Variants in MTMR6 observed in about 807,000 individuals in gnomAD.
MTMR6 encodes phosphatidylinositol-3,5-bisphosphate 3-phosphatase MTMR6.
Under a neutral mutation model 80.1 loss-of-function variants are expected in MTMR6, and 47 were observed. That is an observed-to-expected ratio of 0.59 (90% CI 0.46 to 0.75). The LOEUF (loss-of-function observed/expected upper bound fraction) is 0.75. Ranked by LOEUF, MTMR6 falls within the 30% of genes least tolerant of loss-of-function variation. MTMR6 has a pLI of 0.00. For missense variants in MTMR6, 629 were observed against 730.9 expected (o/e 0.86, Z 1.61); for synonymous variants, 254 against 253.0 (o/e 1.00, Z -0.04).
At position 25,254,400 on chromosome 13, in the gene MTMR6, T is replaced by C; in HGVS notation, c.1130A>G (p.His377Arg). The change falls in exon 10 of 14, where the codon CAT (histidine) becomes CGT (arginine). Residue 377 changes from histidine (H) to arginine (R), a missense_variant. Physicochemically the swap from His to Arg is conservative, Grantham distance 29. Coordinates refer to ENST00000381801, the MANE Select transcript of MTMR6 (RefSeq NM_004685.5). ...TGTGACTCACCTCTCTGAAAATTTA[T>C]GTCCAAAAGAGATCCAATCCTTTTC... ...LIEKDWISFG[H>R]KFSERCGQLD... 1 of 1,574,990 alleles carries C rather than the reference T, an allele frequency of 6.3e-7. No individual in the cohort carries two copies. The highest frequency in any genetic ancestry group is 8.7e-7 in the Non-Finnish European group (1 of 1,148,716).
chr13:25,261,699 C>T lies in MTMR6; in HGVS notation c.695G>A (p.Arg232His), dbSNP rs565072549. The T allele has an allele frequency of 5.1e-5, 83 of 1,613,262 alleles. No homozygotes were observed. The South Asian group carries it at 6.6e-4, about 13-fold the overall frequency. The stretch of plus-strand genomic sequence containing the variant: ...CCTGGTATCCATGACGTACATATAG[C>T]GATTGACTGGATTGGCTTTACTAAT... ...QAISKANPVN[R>H]YMYVMDTRPK... Residue 232 changes from arginine to histidine, a missense_variant, in exon 6 of 14, where the codon CGC (arginine) becomes CAC (histidine). Transcript: ENST00000381801.
intron 8 of MTMR6, 70 bp from the exon 9 acceptor site, chr13:25,257,391 A>G: frequency 1.9e-6 from 3 of 1,555,286 alleles, no homozygotes; most frequent in South Asian, 1.2e-5. Context: ...TGAAAATCAT[A>G]CTAGCAGGTA....
intron 6 of MTMR6, among the ~76,000 whole-genome samples, chr13:25,260,022 C>T (rs1957297127): frequency 6.6e-6 from 1 of 151,758 alleles, no homozygotes; most frequent in Non-Finnish European, 1.5e-5. Flanking sequence ...CCATCGCACC[C>T]AGCTAATTTT....
At chr13:25,257,031 G>A (rs1297539388) in intron 9 of MTMR6, among the ~76,000 whole-genome samples, 165 bp downstream of exon 9, 1 of 152,144 alleles carries the variant, frequency 6.6e-6, no homozygotes, top group Non-Finnish European at 1.5e-5. Flanking sequence ...AAAATTTTGT[G>A]CATTATAAAA....
rs1468429464 is a variant in MTMR6, at chr13:25,287,453, C to G, written c.-206G>C. ...AACACTTCCCCAAACCCCGCGGCCTCCCGGGGGACTCGGGGCAGGCAGACA... is the reference window on the plus strand; with the variant it reads ...AACACTTCCCCAAACCCCGCGGCCTGCCGGGGGACTCGGGGCAGGCAGACA... On this transcript the variant is annotated 5_prime_UTR_variant, in exon 1 of 14. Transcript: ENST00000381801. 1 of 629,936 alleles carries G rather than the reference C, an allele frequency of 1.6e-6. No homozygotes were observed. The highest frequency in any genetic ancestry group is 2.8e-5 in the East Asian group (1 of 35,404). 39.0% of individuals were successfully genotyped at this position (629,936 alleles called of 1,614,324 possible).
At chr13:25,255,531 CT>C (rs929864230) in intron 9 of MTMR6, among the ~76,000 whole-genome samples, 15 of 149,234 alleles carry the variant, frequency 1.0e-4, no homozygotes, top group Non-Finnish European at 1.3e-4. Context: ...ACTCTACTTT[CT>C]TTTTTTTTTG....
intron 2 of MTMR6, among the ~76,000 whole-genome samples, 159 bp from the exon 3 acceptor site, chr13:25,268,100 A>G (rs1400755662): frequency 3.3e-5 from 5 of 152,226 alleles, no homozygotes; most frequent in Non-Finnish European, 7.3e-5. Flanking sequence ...CCCAAGTCAG[A>G]AATATGGGTG....
At chr13:25,264,686 T>C (rs1331792615) in intron 5 of MTMR6, among the ~76,000 whole-genome samples, 1 of 123,972 alleles carries the variant, frequency 8.1e-6, no homozygotes, top group African/African-American at 3.2e-5. Context: ...ACCCGGGAGG[T>C]GGAGGTTGCT....
rs1169264847 is a variant in MTMR6, at chr13:25,247,409, T to C, written c.*1823A>G. ...CTTTTGCCAACATATACCCTGTAGG[T>C]CACTTAAGATGTAACTGATTTCTCA... On this transcript the variant is annotated 3_prime_UTR_variant, in exon 14 of 14. Transcript: ENST00000381801. The C allele has an allele frequency of 6.6e-6, 1 of 152,614 alleles. No homozygotes were observed. Among genetic ancestry groups the C allele is most frequent in the Non-Finnish European group, 1.5e-5 (1 of 68,014 alleles). The allele number at this position is 152,614 out of a possible 1,614,324, so 9.5% of individuals were successfully genotyped here.
intron 1 of MTMR6, among the ~76,000 whole-genome samples, chr13:25,279,359 C>T (rs1156331609): frequency 6.6e-6 from 1 of 152,110 alleles, no homozygotes; most frequent in Non-Finnish European, 1.5e-5. Context: ...TCTTGCTTCC[C>T]TTCACCTTCC....
intron 11 of MTMR6, among the ~76,000 whole-genome samples, chr13:25,252,327 C>T (rs547098515): frequency 6.6e-6 from 1 of 152,304 alleles, no homozygotes; most frequent in Admixed American, 6.5e-5. Flanking sequence ...TAGAACAAGA[C>T]ACTAATGCAT....
At position 25,266,339 on chromosome 13, in the gene MTMR6, T is replaced by C. The variant is rs1223779397; in HGVS notation, c.305-53A>G. 1.5e-5 allele frequency: 21 copies of C among 1,404,714 alleles called. No individual in the cohort carries two copies. In the East Asian group the frequency reaches 3.5e-4, roughly 23 times the overall value. 87.0% of individuals were successfully genotyped at this position (1,404,714 alleles called of 1,614,324 possible). A position where few individuals can be genotyped will look rare whatever the true frequency, so the allele number is the denominator to read the frequency against. ...AGTGCAATTTATAAGACTTATACAC[T>C]ACAAATAAATGTAATTTTTCAGTTT... On this transcript the variant is annotated intron_variant, in intron 3 of 13. Coordinates refer to ENST00000381801, the MANE Select transcript of MTMR6 (RefSeq NM_004685.5).
In MTMR6 at chr13:25,249,483, GT is replaced by G. The variant is rs1566033450; in HGVS notation, c.1614del (p.Lys538AsnfsTer41). 1 of 1,610,472 alleles carries G rather than the reference GT, an allele frequency of 6.2e-7. No individual in the cohort carries two copies. Among genetic ancestry groups the G allele is most frequent in the East Asian group, 2.2e-5 (1 of 44,786 alleles). The stretch of plus-strand genomic sequence containing the variant: ...CCATCTGTTTGCTTATTTTTGCGTT[GT>G]TTAATTTTCTAGAACAAACACAAAT... Reference protein sequence around the residue: ...KDIKDLESKIKQRKNKQTDGI... With the variant: ...KDIKDLESKIXQRKNKQTDGI... On this transcript the variant is annotated frameshift_variant, in exon 14 of 14. Transcript: ENST00000381801. LOFTEE classifies it high-confidence loss of function.
intron 2 of MTMR6, among the ~76,000 whole-genome samples, chr13:25,271,463 T>G (rs1183668042): frequency 6.6e-6 from 1 of 152,200 alleles, no homozygotes; most frequent in African/African-American, 2.4e-5. Flanking sequence ...CTCATTTTAC[T>G]ACTCTACACT....
intron 2 of MTMR6, among the ~76,000 whole-genome samples, chr13:25,269,075 C>A (rs1340937016): frequency 6.6e-6 from 1 of 152,122 alleles, no homozygotes; most frequent in Non-Finnish European, 1.5e-5. Context: ...CTGCCTTGGC[C>A]CCTCTGGAAA....
rs1163239794 is a variant in MTMR6, at chr13:25,254,430, A to G, written c.1100T>C (p.Leu367Ser). ...AAAAGAGATCCAATCCTTTTCTATTAAAACCTTAATGAGAAAAAGTAAAAT... is the reference window on the plus strand; with the variant it reads ...AAAAGAGATCCAATCCTTTTCTATTGAAACCTTAATGAGAAAAAGTAAAAT... ...YYRTIKGFMV[L>S]IEKDWISFGH... The change falls in exon 10 of 14, where the codon TTA becomes TCA. Residue 367 changes from leucine (L) to serine (S), a missense_variant. Coordinates refer to ENST00000381801, the MANE Select transcript of MTMR6 (RefSeq NM_004685.5). 1 of 1,555,482 alleles carries G rather than the reference A, an allele frequency of 6.4e-7. No individual in the cohort carries two copies. Among genetic ancestry groups the G allele is most frequent in the Admixed American group, 1.7e-5 (1 of 58,152 alleles).
chr13:25,268,481 A>G (rs1311768263), intron 2 of MTMR6, among the ~76,000 whole-genome samples: 2 of 152,208 alleles, frequency 1.3e-5, no homozygotes, highest in East Asian at 3.9e-4. Flanking sequence ...ACATGGTCAG[A>G]TGCTCCCACT....
At chr13:25,281,604 C>T (rs757696658) in intron 1 of MTMR6, among the ~76,000 whole-genome samples, 8 of 152,240 alleles carry the variant, frequency 5.3e-5, no homozygotes, top group Non-Finnish European at 8.8e-5. Flanking sequence ...TGTACTTATT[C>T]TACAACTACA....
intron 2 of MTMR6, among the ~76,000 whole-genome samples, 154 bp from the exon 3 acceptor site, chr13:25,268,095 G>A (rs368038994): frequency 1.4e-4 from 21 of 152,264 alleles, no homozygotes; most frequent in African/African-American, 4.6e-4. Flanking sequence ...GAATGCCCAA[G>A]TCAGAAATAT....
Sources: allele counts gnomAD v4.1 joint callset (sites outside exome capture counted in the v4.1 genomes callset), GRCh38; gene constraint gnomAD v4.1.1; transcripts MANE v1.5; gene names NCBI Gene and HGNC (gene_info 2026-07-23, HGNC 2026-07-21).